NKD1: variants seen among roughly 807,000 people sequenced by gnomAD.
NKD1 encodes the protein NKD inhibitor of Wnt signaling pathway 1, also known as protein naked cuticle homolog 1.
A neutral mutation model predicts 56.0 loss-of-function variants in NKD1; 21 were observed. That is an observed-to-expected ratio of 0.38 (90% confidence interval 0.27 to 0.54). The LOEUF (loss-of-function observed/expected upper bound fraction) is 0.54, where lower values mean the gene tolerates loss of function less well. NKD1 is among the 20% of genes least tolerant of loss of function. The pLI, the probability that NKD1 is intolerant of heterozygous loss-of-function variation, is 0.82. For missense variants in NKD1, 578 were observed against 642.7 expected, an observed-to-expected ratio of 0.90 and a Z score of 1.09; for synonymous variants, 263 against 265.7, an observed-to-expected ratio of 0.99 and a Z score of 0.10.
intron 4 of NKD1, 139 bp downstream of exon 4, chr16:50,608,499 G>A: frequency 1.6e-6 from 1 of 619,246 alleles, no homozygotes; most frequent in Non-Finnish European, 3.0e-6. Context: ...GGTGGGGGTG[G>A]ACTAGAGGGT....
At position 50,548,544 on chromosome 16, in the gene NKD1, C is replaced by A; in HGVS notation, c.-10C>A. On this transcript the variant is annotated 5_prime_UTR_variant, in exon 1 of 10. Coordinates refer to ENST00000268459, the MANE Select transcript of NKD1 (RefSeq NM_033119.5). ...GGCTTAGGGACGCTCCCGGCCGCCG[C>A]AGCCCCAGCATGGGGAAACTTCACT... The A allele has an allele frequency of 6.8e-7, 1 of 1,466,246 alleles. No individual in the cohort carries two copies. Among genetic ancestry groups the A allele is most frequent in the Non-Finnish European group, 9.0e-7 (1 of 1,114,402 alleles). The allele number at this position is 1,466,246 out of a possible 1,614,324, so 90.8% of individuals were successfully genotyped here.
intron 4 of NKD1, among the ~76,000 whole-genome samples, chr16:50,618,426 G>A (rs1962011756): frequency 6.6e-6 from 1 of 152,184 alleles, no homozygotes; most frequent in Admixed American, 6.5e-5. Flanking sequence ...CGCCTCTCCC[G>A]CCTCCAGTGG....
intron 3 of NKD1, among the ~76,000 whole-genome samples, chr16:50,573,263 G>A (rs763478545): frequency 6.6e-6 from 1 of 151,976 alleles, no homozygotes; most frequent in Non-Finnish European, 1.5e-5. Context: ...CTCAATCCCT[G>A]TGGTGCCCCC....
chr16:50,559,794 C>A (rs1032425749), intron 3 of NKD1, among the ~76,000 whole-genome samples: 2 of 152,108 alleles, frequency 1.3e-5, no homozygotes, highest in East Asian at 3.9e-4. Context: ...GCTGCCCAAG[C>A]CTTCTGGCCT....
rs111461257 is a variant in NKD1 at position 50,621,867 on chromosome 16, C to T, written c.366+159C>T. Among the ~76,000 whole-genome samples, 563 of 152,054 alleles carry T rather than the reference C, an allele frequency of 3.7e-3. 5 individuals carry two copies. The highest frequency in any genetic ancestry group is 0.013 in the African/African-American group (525 of 41,550). ...AGGTTCCTTCTGCCACATCTGGGGC[C>T]GTCCTGGCTCAGGGCAGACCCCAGG... On this transcript the variant is annotated intron_variant, in intron 5 of 9. Coordinates refer to ENST00000268459, the MANE Select transcript of NKD1 (RefSeq NM_033119.5).
At chr16:50,609,397 TG>T (rs1567348035) in intron 4 of NKD1, among the ~76,000 whole-genome samples, 2 of 152,220 alleles carry the variant, frequency 1.3e-5, no homozygotes, top group South Asian at 4.2e-4. Flanking sequence ...AATCACCAAA[TG>T]GGGGGCTGCC....
intron 3 of NKD1, chr16:50,553,600 A>G (rs1960437611): frequency 6.6e-6 from 1 of 152,188 alleles, no homozygotes; most frequent in African/African-American, 2.4e-5. Context: ...CTTGAATGAT[A>G]CCAGTTGGCA....
intron 4 of NKD1, among the ~76,000 whole-genome samples, chr16:50,609,345 G>A (rs1484771746): frequency 6.6e-6 from 1 of 152,240 alleles, no homozygotes; most frequent in African/African-American, 2.4e-5. Context: ...GAAGCAGAGT[G>A]TTTCCTGAAT....
Position 50,641,871 on chromosome 16 carries a change from C to T in NKD1, c.*8090C>T, listed in dbSNP as rs1005040893. ...TTAGATGGGGCAAGGTGGGCTGGAA[C>T]CCCCAGCAAAGGGTCCCAGGCTGTG... On this transcript the variant is annotated 3_prime_UTR_variant, in exon 10 of 10. Transcript: ENST00000268459. 6.6e-6 allele frequency: 1 copy of T among 152,166 alleles called. No individual in the cohort carries two copies. The highest frequency in any genetic ancestry group is 6.5e-5 in the Admixed American group (1 of 15,272). The allele number at this position is 152,166 out of a possible 1,614,324, so 9.4% of individuals were successfully genotyped here. A position where few individuals can be genotyped will look rare whatever the true frequency, so the allele number is the denominator to read the frequency against.
At position 50,568,385 on chromosome 16, in the gene NKD1, A is replaced by G. The variant is rs557105461; in HGVS notation, c.192+18830A>G. Among the ~76,000 whole-genome samples the G allele has an allele frequency of 4.6e-5, 7 of 152,370 alleles. No homozygotes were observed. The South Asian group carries it at 1.2e-3, about 27-fold the overall frequency. On this transcript the variant is annotated intron_variant, in intron 3 of 9. Transcript: ENST00000268459. Reference sequence around the variant, plus strand: ...CCCCAGCTGGAGACACAGGAAGTCCAGGTTAGAGCTGGTGCTGCCATTTCC... The same window carrying G: ...CCCCAGCTGGAGACACAGGAAGTCCGGGTTAGAGCTGGTGCTGCCATTTCC...
At chr16:50,555,732 G>A (rs770463465) in intron 3 of NKD1, 1 of 152,210 alleles carries the variant, frequency 6.6e-6, no homozygotes, top group African/African-American at 2.4e-5. Context: ...GCAGCCCCCC[G>A]GTACTGGTGA....
At chr16:50,608,483 ACT>A in intron 4 of NKD1, 123 bp downstream of exon 4, 1 of 697,222 alleles carries the variant, frequency 1.4e-6, no homozygotes, top group Admixed American at 1.8e-5. Flanking sequence ...GGACCTTGTG[ACT>A]CTGGGTGGGG....
chr16:50,633,836 C>G lies in NKD1; in HGVS notation c.*55C>G. 1.3e-6 allele frequency: 1 copy of G among 788,046 alleles called. No homozygotes were observed. Among genetic ancestry groups the G allele is most frequent in the East Asian group, 2.9e-5 (1 of 34,778 alleles). The allele number at this position is 788,046 out of a possible 1,614,324, so 48.8% of individuals were successfully genotyped here. A position where few individuals can be genotyped will look rare whatever the true frequency, so the allele number is the denominator to read the frequency against. On this transcript the variant is annotated 3_prime_UTR_variant, in exon 10 of 10. Coordinates refer to ENST00000268459, the MANE Select transcript of NKD1 (RefSeq NM_033119.5). The surrounding 1 kb of genome is among the most constrained non-coding windows in gnomAD (Gnocchi z 4.9). ...ATGAAGGACCCCACCCCCGACACCA[C>G]AAGGCATTATTATTCTATTAATTAT...
intron 3 of NKD1, among the ~76,000 whole-genome samples, chr16:50,567,006 C>G (rs969058795): frequency 7.1e-5 from 7 of 98,902 alleles, no homozygotes; most frequent in Non-Finnish European, 1.3e-4. Context: ...GTTTTTATGG[C>G]CCCCCCCCTT....
chr16:50,627,395 G>A (rs1962246699), intron 6 of NKD1, among the ~76,000 whole-genome samples: 1 of 152,174 alleles, frequency 6.6e-6, no homozygotes, highest in Non-Finnish European at 1.5e-5. Context: ...TTGATAATGA[G>A]AGGAAGGGAG....
intron 4 of NKD1, among the ~76,000 whole-genome samples, chr16:50,612,555 A>G (rs112177760): frequency 1.5e-4 from 23 of 152,308 alleles, no homozygotes; most frequent in African/African-American, 5.5e-4. Flanking sequence ...GGAGCATGGA[A>G]GTTTCTAGTA....
chr16:50,603,542 G>T (rs559411577), intron 3 of NKD1, among the ~76,000 whole-genome samples: 1 of 152,358 alleles, frequency 6.6e-6, no homozygotes, highest in Admixed American at 6.5e-5. Flanking sequence ...GTTGTGCCGT[G>T]TTCTGTGGGC....
rs746553314 is a variant in NKD1 at position 50,640,592 on chromosome 16, G to C, written c.*6811G>C. 2 of 152,206 alleles carry C rather than the reference G, an allele frequency of 1.3e-5. No homozygotes were observed. The highest frequency in any genetic ancestry group is 2.9e-5 in the Non-Finnish European group (2 of 68,036). 9.4% of individuals were successfully genotyped at this position (152,206 alleles called of 1,614,324 possible). ...GTGGGTGGTTAATGAATGGAAGAGA[G>C]GGAATGAGTGATCAAGGGAGGGAGG... On this transcript the variant is annotated 3_prime_UTR_variant, in exon 10 of 10. Coordinates refer to ENST00000268459, the MANE Select transcript of NKD1 (RefSeq NM_033119.5).
At chr16:50,605,288 T>C (rs1294763274) in intron 3 of NKD1, among the ~76,000 whole-genome samples, 2 of 152,242 alleles carry the variant, frequency 1.3e-5, no homozygotes, top group South Asian at 4.1e-4. Flanking sequence ...TAGAACTGTT[T>C]CTGGTCTCAT....
Sources: gnomAD v4.1 joint callset for allele counts (sites outside exome capture counted in the v4.1 genomes callset) on GRCh38, gnomAD v4.1.1 for gene constraint, Gnocchi (gnomAD v3.1) non-coding constraint, MANE v1.5 for transcripts, NCBI Gene and HGNC (gene_info 2026-07-23, HGNC 2026-07-21) for gene names.